The following IGSF9B variants were observed in gnomAD, a reference collection of about 807,000 sequenced individuals.
IGSF9B encodes protein turtle homolog B.
A neutral mutation model predicts 143.7 loss-of-function variants in IGSF9B; 48 were observed. The ratio of observed to expected loss-of-function variants is 0.33; its 90% CI spans 0.26 to 0.42. IGSF9B has a LOEUF of 0.42. Among genes scored for constraint, IGSF9B ranks in the 20% least tolerant of loss-of-function variants. IGSF9B has a pLI of 1.00. For synonymous variants in IGSF9B, 903 were observed against 833.1 expected (o/e 1.08, Z -1.44); for missense variants, 1,706 against 1,980.0 (o/e 0.86, Z 2.63).
At position 133,951,585 on chromosome 11, in the gene IGSF9B, G is replaced by A. The variant is rs141348712; in HGVS notation, c.64+5106C>T. 1.2e-4 allele frequency among the ~76,000 whole-genome samples: 19 copies of A among 152,300 alleles called. 1 individual carries two copies. The East Asian group carries it at 3.1e-3, about 25-fold the overall frequency. On this transcript the variant is annotated intron_variant, in intron 1 of 19. Coordinates refer to ENST00000533871, the MANE Select transcript of IGSF9B (RefSeq NM_001277285.4). ...GCTCTCGGCTAGATTGTATTTCCAA[G>A]AGTCCTTTCCCCAGGAGCCACTGGC...
intron 18 of IGSF9B, among the ~76,000 whole-genome samples, chr11:133,918,148 CG>C (rs1229202700): frequency 4.6e-5 from 7 of 151,850 alleles, no homozygotes; most frequent in Admixed American, 2.0e-4. Context: ...GGCCACCCCA[CG>C]GGGCGGTGAG....
chr11:133,904,151 G>A lies in IGSF9B; in HGVS notation c.*4918C>T, dbSNP rs1262142684. Among the ~76,000 whole-genome samples, 2 of 152,152 alleles carry A rather than the reference G, an allele frequency of 1.3e-5. No individual in the cohort carries two copies. Among genetic ancestry groups the A allele is most frequent in the Non-Finnish European group, 2.9e-5 (2 of 68,024 alleles). On this transcript the variant is annotated 3_prime_UTR_variant, in exon 20 of 20. Coordinates refer to ENST00000533871, the MANE Select transcript of IGSF9B (RefSeq NM_001277285.4). ...GGAAGGAAGCCTCTCTACCTCAAGA[G>A]GAAAGGGGGATGAAGGCACGTCAGG... is the stretch of plus-strand genomic sequence containing the variant.
chr11:133,925,640 C>T, intron 14 of IGSF9B, 99 bp downstream of exon 14: 2 of 919,678 alleles, frequency 2.2e-6, no homozygotes, highest in Non-Finnish European at 3.4e-6. Flanking sequence ...TGGCTGGCCT[C>T]ACACACCCAA....
Position 133,909,719 on chromosome 11 carries a change from T to C in IGSF9B, c.4106-442A>G, listed in dbSNP as rs1278743045. ...GCATGCAACGGTCAGGCCTTGACCCTTCCTGGACTGCCTGGGCCTCTCCTC... is the reference window on the plus strand; with the variant it reads ...GCATGCAACGGTCAGGCCTTGACCCCTCCTGGACTGCCTGGGCCTCTCCTC... On this transcript the variant is annotated intron_variant, in intron 19 of 19. Transcript: ENST00000533871. The surrounding 1 kb of genome is among the most constrained non-coding windows in gnomAD (Gnocchi z 4.2). Among the ~76,000 whole-genome samples, 1 of 152,210 alleles carries C rather than the reference T, an allele frequency of 6.6e-6. No individual in the cohort carries two copies. The highest frequency in any genetic ancestry group is 1.5e-5 in the Non-Finnish European group (1 of 68,026).
intron 3 of IGSF9B, 85 bp downstream of exon 3, chr11:133,944,135 C>T (rs1337293758): frequency 5.6e-6 from 8 of 1,429,770 alleles, no homozygotes; most frequent in African/African-American, 4.3e-5. Context: ...GGGAGAAGGG[C>T]TTCCCCTGGG....
At chr11:133,947,707 G>GC (rs1940079098) in intron 1 of IGSF9B, among the ~76,000 whole-genome samples, 8 of 60,128 alleles carry the variant, frequency 1.3e-4, no homozygotes, top group Admixed American at 3.4e-4. Context: ...CTCTGTGTTT[G>GC]TTCTCTCTCT....
intron 2 of IGSF9B, among the ~76,000 whole-genome samples, chr11:133,944,634 C>T (rs1045320034): frequency 6.6e-6 from 1 of 152,188 alleles, no homozygotes; most frequent in Non-Finnish European, 1.5e-5. Context: ...TTGAGAGCAG[C>T]CTCAGTTCCC....
intron 3 of IGSF9B, among the ~76,000 whole-genome samples, chr11:133,941,674 T>C (rs955275104): frequency 2.0e-5 from 3 of 152,150 alleles, no homozygotes; most frequent in Non-Finnish European, 2.9e-5. Context: ...CGTCTTTTAT[T>C]ATCAGCCCTG....
intron 18 of IGSF9B, chr11:133,918,907 T>G (rs374455300): frequency 6.7e-6 from 3 of 446,198 alleles, no homozygotes; most frequent in Admixed American, 2.4e-5. Flanking sequence ...GGAAGGAAGA[T>G]AGGAGAGAGA....
rs868716342 is a variant in IGSF9B at position 133,932,534 on chromosome 11, C to T, written c.968-321G>A. On this transcript the variant is annotated intron_variant, in intron 7 of 19. Transcript: ENST00000533871. The stretch of plus-strand genomic sequence containing the variant: ...CAGGGAAGCCAGGTGGGAGAGCAGA[C>T]AGACAGACAGACACAGGGAAGCCAG... 4.5e-3 allele frequency among the ~76,000 whole-genome samples: 545 copies of T among 122,016 alleles called. 4 individuals are homozygous for T. The highest frequency in any genetic ancestry group is 0.018 in the African/African-American group (508 of 28,290). The allele number at this position is 122,016 out of a possible 152,430, so 80.0% of individuals were successfully genotyped here. A position where few individuals can be genotyped will look rare whatever the true frequency, so the allele number is the denominator to read the frequency against.
rs768708526 is a variant in IGSF9B at position 133,921,050 on chromosome 11, G to A, written c.2675C>T (p.Ser892Leu). The change falls in exon 18 of 20, where the codon TCG becomes TTG. Residue 892 changes from serine (S) to leucine (L), a missense_variant. Physicochemically the swap from Ser to Leu is moderately radical, Grantham distance 145. Coordinates refer to ENST00000533871, the MANE Select transcript of IGSF9B (RefSeq NM_001277285.4). ...ETDMYPEFRQ[S>L]DEENEDPLVP... The stretch of plus-strand genomic sequence containing the variant: ...CAGTGGGTCCTCGTTCTCCTCGTCC[G>A]ACTGGCGGAACTCGGGGTACATGTC... 1.8e-5 allele frequency: 29 copies of A among 1,613,742 alleles called. No individual in the cohort carries two copies. The highest frequency in any genetic ancestry group is 6.7e-5 in the East Asian group (3 of 44,882).
In IGSF9B at chr11:133,946,166, C is replaced by A; in HGVS notation, c.157G>T (p.Gly53Ter). ...LRCDVIHPVT[G>*]QPPPYVVEWF... The stretch of plus-strand genomic sequence containing the variant: ...TCTACGACATAGGGTGGGGGCTGTC[C>A]CGTCACTGGGTGGATCACGTCGCAT... Residue 53 changes from glycine (G) to a stop codon, truncating the protein, a stop_gained, in exon 2 of 20, where the codon GGA (glycine) becomes TGA (stop). Transcript: ENST00000533871. LOFTEE classifies it high-confidence loss of function. The A allele has an allele frequency of 6.2e-7, 1 of 1,613,474 alleles. No individual in the cohort carries two copies. The highest frequency in any genetic ancestry group is 8.5e-7 in the Non-Finnish European group (1 of 1,179,734).
At chr11:133,914,539 G>C (rs1939347976) in intron 18 of IGSF9B, among the ~76,000 whole-genome samples, 1 of 152,156 alleles carries the variant, frequency 6.6e-6, no homozygotes, top group African/African-American at 2.4e-5. Context: ...TTCCCAGACA[G>C]TAATGATCCA....
chr11:133,929,880 A>G (rs1939692359), intron 11 of IGSF9B, 98 bp from the exon 12 acceptor site: 2 of 758,892 alleles, frequency 2.6e-6, no homozygotes, highest in East Asian at 2.5e-5. Context: ...GCTGAAGCGC[A>G]TGGCAGCGGA....
chr11:133,908,086 C>T lies in IGSF9B; in HGVS notation c.*983G>A, dbSNP rs1027628616. 1.3e-5 allele frequency among the ~76,000 whole-genome samples: 2 copies of T among 152,194 alleles called. No individual in the cohort carries two copies. The highest frequency in any genetic ancestry group is 2.4e-5 in the African/African-American group (1 of 41,464). On this transcript the variant is annotated 3_prime_UTR_variant, in exon 20 of 20. Coordinates refer to ENST00000533871, the MANE Select transcript of IGSF9B (RefSeq NM_001277285.4). ...AGCTTGGCGCTAGCACAGGTGGCTCCGCAGTGGGGAGACTTTGGCCACAGA... is the reference window on the plus strand; with the variant it reads ...AGCTTGGCGCTAGCACAGGTGGCTCTGCAGTGGGGAGACTTTGGCCACAGA...
rs556917577 is a variant in IGSF9B at position 133,945,238 on chromosome 11, G to A, written c.262+823C>T. On this transcript the variant is annotated intron_variant, in intron 2 of 19. Transcript: ENST00000533871. This position sits in a 1 kb window ranked among gnomAD's most constrained non-coding sequence, Gnocchi z 4.6. ...TCACCACACCTCTGCTCTCCTCCTC[G>A]TCCTGATGCTGGCAATCTGCCTAAA... Among the ~76,000 whole-genome samples the A allele has an allele frequency of 1.3e-4, 20 of 152,224 alleles. No homozygotes were observed. Among genetic ancestry groups the A allele is most frequent in the African/African-American group, 3.6e-4 (15 of 41,534 alleles).
In IGSF9B at chr11:133,931,000, G is replaced by A. The variant is rs747873459; in HGVS notation, c.1503C>T (p.Thr501=). 18 of 1,612,320 alleles carry A rather than the reference G, an allele frequency of 1.1e-5. No individual in the cohort carries two copies. The South Asian group carries it at 2.0e-4, about 18-fold the overall frequency. Residue 501 remains threonine, a synonymous_variant, in exon 11 of 20, where the codon ACC becomes ACT. Coordinates refer to ENST00000533871, the MANE Select transcript of IGSF9B (RefSeq NM_001277285.4). The part of the protein sequence containing the change: ...TNVVTSITAS[T]HLTVIGTSPH... ...GCCACGTACCGATGACGGTGAGGTG[G>A]GTGCTGGCAGTGATGCTCGTGACCA... is the stretch of plus-strand genomic sequence containing the variant.
chr11:133,926,830 A>G, intron 13 of IGSF9B, 86 bp downstream of exon 13: 1 of 1,157,508 alleles, frequency 8.6e-7, no homozygotes, highest in Non-Finnish European at 1.2e-6. Flanking sequence ...ACCGGCACAC[A>G]GGAGGCCGAC....
intron 3 of IGSF9B, 74 bp downstream of exon 3, chr11:133,944,146 G>T: frequency 6.7e-7 from 1 of 1,483,150 alleles, no homozygotes; most frequent in Non-Finnish European, 9.0e-7. Flanking sequence ...TTCCCCTGGG[G>T]CAGGCCCACC....
Sources: gnomAD v4.1 joint callset for allele counts (sites outside exome capture counted in the v4.1 genomes callset) on GRCh38, gnomAD v4.1.1 for gene constraint, Gnocchi (gnomAD v3.1) non-coding constraint, MANE v1.5 for transcripts, NCBI Gene and HGNC (gene_info 2026-07-23, HGNC 2026-07-21) for gene names.